FHL2: variants seen among roughly 807,000 people sequenced by gnomAD.
FHL2 encodes four and a half LIM domains 2.
In FHL2, 20 loss-of-function variants were observed where a neutral mutation model predicts 32.7. That is an observed-to-expected ratio of 0.61 (90% CI 0.43 to 0.89). The LOEUF is 0.89. Among genes scored for constraint, FHL2 ranks in the 40% least tolerant of loss-of-function variants. FHL2 has a pLI of 0.00. For synonymous variants in FHL2, 123 were observed against 128.1 expected (o/e 0.96, Z 0.27); for missense variants, 311 against 358.6 (o/e 0.87, Z 1.07).
At chr2:105,413,419 A>G (rs1683850937) in intron 1 of FHL2, among the ~76,000 whole-genome samples, 1 of 152,210 alleles carries the variant, frequency 6.6e-6, no homozygotes, top group South Asian at 2.1e-4. Flanking sequence ...CTATTCTAGC[A>G]GTTAACAACA....
chr2:105,396,976 A>T (rs1683174481), intron 1 of FHL2: 1 of 347,432 alleles, frequency 2.9e-6, no homozygotes, highest in African/African-American at 2.2e-5. Flanking sequence ...CCCTCGGCAC[A>T]GGACAGGAGT....
chr2:105,427,092 C>T (rs914747972), intron 1 of FHL2, among the ~76,000 whole-genome samples: 1 of 151,904 alleles, frequency 6.6e-6, no homozygotes, highest in Non-Finnish European at 1.5e-5. Flanking sequence ...AGAATCCAGG[C>T]GAAAGGAAAA....
At chr2:105,390,336 A>G (rs1253361747) in intron 2 of FHL2, 1 of 152,536 alleles carries the variant, frequency 6.6e-6, no homozygotes, top group African/African-American at 2.4e-5. Context: ...GGTGAATGTC[A>G]TCATCAGTGA....
At chr2:105,437,630 C>G (rs887911162) in intron 1 of FHL2, among the ~76,000 whole-genome samples, 17 of 152,034 alleles carry the variant, frequency 1.1e-4, no homozygotes, top group African/African-American at 4.1e-4. Flanking sequence ...CTTTATTTTT[C>G]TTTTTAGATT....
exon 1 of FHL2, chr2:105,438,475 T>A: frequency 9.1e-6 from 9 of 985,582 alleles, no homozygotes; most frequent in Non-Finnish European, 1.1e-5. Context: ...GACTGCCTGG[T>A]TGGATGGCCC....
intron 5 of FHL2, among the ~76,000 whole-genome samples, chr2:105,365,110 G>A (rs373860598): frequency 1.1e-4 from 17 of 152,114 alleles, no homozygotes; most frequent in Admixed American, 1.1e-3. Context: ...CTAACTCAAT[G>A]CCTCTGAGCA....
chr2:105,418,099 T>C (rs185671460), intron 1 of FHL2, among the ~76,000 whole-genome samples: 54 of 152,310 alleles, frequency 3.5e-4, no homozygotes, highest in African/African-American at 1.3e-3. Context: ...TATTTTGTAA[T>C]AGGACTGGAG....
chr2:105,422,886 A>G (rs922990056), intron 1 of FHL2, among the ~76,000 whole-genome samples: 1 of 152,228 alleles, frequency 6.6e-6, no homozygotes, highest in Admixed American at 6.5e-5. Context: ...TACTCAATAG[A>G]CACTGTACCT....
At chr2:105,389,277 T>G in intron 2 of FHL2, among the ~76,000 whole-genome samples, 1 of 152,354 alleles carries the variant, frequency 6.6e-6, no homozygotes, top group Non-Finnish European at 1.5e-5. Flanking sequence ...ATAAATATCC[T>G]TTGTACCGCA....
At chr2:105,415,920 T>G (rs1414115716) in intron 1 of FHL2, among the ~76,000 whole-genome samples, 1 of 152,200 alleles carries the variant, frequency 6.6e-6, no homozygotes, top group African/African-American at 2.4e-5. Context: ...GACTCAGTGT[T>G]TTATACAATA....
At chr2:105,361,485 A>G (rs1358041598) in intron 6 of FHL2, 51 bp from the exon 7 acceptor site, 1 of 1,534,918 alleles carries the variant, frequency 6.5e-7, no homozygotes, top group African/African-American at 1.4e-5. Context: ...GAATCAGGCA[A>G]CTGGGACTGA....
chr2:105,364,794 T>C (rs1411688265), intron 5 of FHL2, among the ~76,000 whole-genome samples: 3 of 152,354 alleles, frequency 2.0e-5, no homozygotes, highest in Admixed American at 1.3e-4. Context: ...CTTAATTTTA[T>C]GGATGAGTAA....
At chr2:105,372,744 G>A (rs1681175340) in intron 4 of FHL2, among the ~76,000 whole-genome samples, 1 of 151,816 alleles carries the variant, frequency 6.6e-6, no homozygotes, top group Admixed American at 6.6e-5. Context: ...AGTCAAGATT[G>A]CACCACTGAA....
intron 1 of FHL2, among the ~76,000 whole-genome samples, chr2:105,435,694 C>T (rs1439838117): frequency 3.3e-5 from 5 of 151,992 alleles, no homozygotes; most frequent in East Asian, 1.9e-4. Flanking sequence ...TGGTGGCAGG[C>T]GCCTGTAATC....
At chr2:105,369,284 C>T (rs1362780184) in intron 4 of FHL2, among the ~76,000 whole-genome samples, 1 of 152,172 alleles carries the variant, frequency 6.6e-6, no homozygotes, top group Non-Finnish European at 1.5e-5. Flanking sequence ...AGTCTATAGA[C>T]TAGTCCATAG....
Position 105,361,185 on chromosome 2 carries a change from G to T in FHL2, c.*98C>A. ...AAAAGCACTAGAAGAAAGTCTCAAT[G>T]TGGCTGGAAGAAACCAGAAGGCAAG... On this transcript the variant is annotated 3_prime_UTR_variant, in exon 7 of 7. Coordinates refer to ENST00000530340, the MANE Select transcript of FHL2 (RefSeq NM_001318895.3). 2 of 1,262,650 alleles carry T rather than the reference G, an allele frequency of 1.6e-6. No homozygotes were observed. The highest frequency in any genetic ancestry group is 2.2e-6 in the Non-Finnish European group (2 of 895,942). The allele number at this position is 1,262,650 out of a possible 1,614,324, so 78.2% of individuals were successfully genotyped here. A position where few individuals can be genotyped will look rare whatever the true frequency, so the allele number is the denominator to read the frequency against.
chr2:105,373,681 T>C lies in FHL2; in HGVS notation c.209A>G (p.Gln70Arg), dbSNP rs1469939983. Residue 70 changes from glutamine to arginine, a missense_variant, in exon 4 of 7, where the codon CAG becomes CGG. Transcript: ENST00000530340. ...HWHEACFHCS[Q>R]CRNSLVDKPF... ...CTTGTCCACCAGTGAGTTTCTGCAC[T>C]GCGAGCAGTGGAAACAGGCTTCATG... The C allele has an allele frequency of 1.2e-6, 2 of 1,614,204 alleles. No individual in the cohort carries two copies. Among genetic ancestry groups the C allele is most frequent in the Non-Finnish European group, 1.7e-6 (2 of 1,180,032 alleles).
intron 1 of FHL2, among the ~76,000 whole-genome samples, chr2:105,430,896 A>G (rs923930553): frequency 7.2e-5 from 11 of 152,214 alleles, no homozygotes; most frequent in African/African-American, 1.9e-4. Flanking sequence ...CCATTAGGCC[A>G]TACCCATTAT....
At chr2:105,362,731 T>TAATA (rs1055621605) in intron 6 of FHL2, among the ~76,000 whole-genome samples, 2 of 152,188 alleles carry the variant, frequency 1.3e-5, no homozygotes, top group Admixed American at 6.5e-5. Flanking sequence ...CCAGCCTGCT[T>TAATA]AATAGTCTAG....
Sources: gnomAD v4.1 joint callset for allele counts (sites outside exome capture counted in the v4.1 genomes callset) on GRCh38, gnomAD v4.1.1 for gene constraint, MANE v1.5 for transcripts, NCBI Gene and HGNC (gene_info 2026-07-23, HGNC 2026-07-21) for gene names.